Variants in SRBD1 observed in about 807,000 individuals in gnomAD.
The protein encoded by SRBD1 is S1 RNA binding domain 1, also known as S1 RNA-binding domain-containing protein 1.
Under a neutral mutation model 115.3 loss-of-function variants are expected in SRBD1, and 88 were observed. The ratio of observed to expected loss-of-function variants is 0.76; its 90% CI spans 0.64 to 0.91. The LOEUF (loss-of-function observed/expected upper bound fraction) is 0.91, where lower values mean the gene tolerates loss of function less well. SRBD1 is among the 40% of genes least tolerant of loss of function. SRBD1 has a pLI of 0.00. For synonymous variants in SRBD1, 509 were observed against 407.7 expected (o/e 1.25, Z -2.99); for missense variants, 1,385 against 1,177.4 (o/e 1.18, Z -2.58).
intron 3 of SRBD1, among the ~76,000 whole-genome samples, chr2:45,600,609 G>A (rs866573890): frequency 8.5e-5 from 13 of 152,108 alleles, no homozygotes; most frequent in South Asian, 2.1e-4. Flanking sequence ...ACAAGAGTCC[G>A]CACAGCAGCC....
At chr2:45,412,596 T>A (rs992466568) in intron 19 of SRBD1, among the ~76,000 whole-genome samples, 1 of 152,202 alleles carries the variant, frequency 6.6e-6, no homozygotes, top group Non-Finnish European at 1.5e-5. Context: ...TAATTAAATA[T>A]GCTGTTAAAA....
At chr2:45,414,193 T>C (rs1667691267) in intron 18 of SRBD1, among the ~76,000 whole-genome samples, 1 of 152,094 alleles carries the variant, frequency 6.6e-6, no homozygotes, top group African/African-American at 2.4e-5. Context: ...CAAATTAGCA[T>C]TCAAGTAGGA....
intron 15 of SRBD1, among the ~76,000 whole-genome samples, chr2:45,478,997 T>C (rs113734794): frequency 0.013 from 1,978 of 152,330 alleles, 51 homozygotes; most frequent in African/African-American, 0.043. Context: ...CTCAGAAATA[T>C]TTCAAAATTT....
chr2:45,406,468 C>T (rs532874925), intron 19 of SRBD1, among the ~76,000 whole-genome samples: 1 of 152,104 alleles, frequency 6.6e-6, no homozygotes, highest in Admixed American at 6.6e-5. Flanking sequence ...CCATGTTCCC[C>T]TTATATATTC....
intron 2 of SRBD1, among the ~76,000 whole-genome samples, chr2:45,602,289 C>T (rs1232275179): frequency 6.6e-6 from 1 of 152,138 alleles, no homozygotes; most frequent in South Asian, 2.1e-4. Context: ...CCGCAGTATG[C>T]TGTAAATCAC....
At chr2:45,609,779 C>A (rs1228557304) in intron 1 of SRBD1, among the ~76,000 whole-genome samples, 2 of 152,132 alleles carry the variant, frequency 1.3e-5, no homozygotes, top group African/African-American at 4.8e-5. Flanking sequence ...TTAAAAGGAG[C>A]CTATTTACTT....
In SRBD1 at chr2:45,497,993, G is replaced by C. The variant is rs182190184; in HGVS notation, c.1875-9662C>G. Reference sequence around the variant, plus strand: ...CACCCCAGCCTGGGCGACAGAGTGAGATTCCGTCTCAAAAAAGAAAACTAC... The same window carrying C: ...CACCCCAGCCTGGGCGACAGAGTGACATTCCGTCTCAAAAAAGAAAACTAC... On this transcript the variant is annotated intron_variant, in intron 14 of 20. Coordinates refer to ENST00000263736, the MANE Select transcript of SRBD1 (RefSeq NM_018079.5). 4.7e-3 allele frequency among the ~76,000 whole-genome samples: 721 copies of C among 152,224 alleles called. 8 individuals are homozygous for C. Among genetic ancestry groups the C allele is most frequent in the African/African-American group, 0.016 (674 of 41,532 alleles).
chr2:45,516,764 T>C (rs760171167), intron 14 of SRBD1, among the ~76,000 whole-genome samples: 4 of 152,206 alleles, frequency 2.6e-5, no homozygotes, highest in Non-Finnish European at 5.9e-5. Flanking sequence ...ACCCTCACCA[T>C]ATAGATGCTG....
chr2:45,412,674 G>C (rs1242489931), intron 19 of SRBD1, among the ~76,000 whole-genome samples: 2 of 152,122 alleles, frequency 1.3e-5, no homozygotes, highest in African/African-American at 4.8e-5. Flanking sequence ...TTCTGTTAAT[G>C]TATACTCACT....
At chr2:45,460,584 T>A (rs186574778) in intron 16 of SRBD1, among the ~76,000 whole-genome samples, 1 of 152,228 alleles carries the variant, frequency 6.6e-6, no homozygotes, top group Non-Finnish European at 1.5e-5. Context: ...ATGTTCTGCA[T>A]TGGTTTGTGG....
intron 15 of SRBD1, among the ~76,000 whole-genome samples, chr2:45,480,387 G>A (rs1669925092): frequency 6.6e-6 from 1 of 152,128 alleles, no homozygotes; most frequent in South Asian, 2.1e-4. Flanking sequence ...TTCATGGGAG[G>A]AGGGCAAATG....
At chr2:45,434,406 T>A (rs1450304951) in intron 16 of SRBD1, among the ~76,000 whole-genome samples, 1 of 152,198 alleles carries the variant, frequency 6.6e-6, no homozygotes, top group Non-Finnish European at 1.5e-5. Context: ...CACAAATCTT[T>A]AGCAGCTTTT....
intron 14 of SRBD1, among the ~76,000 whole-genome samples, chr2:45,541,672 C>T (rs930221876): frequency 6.6e-6 from 1 of 152,164 alleles, no homozygotes. Flanking sequence ...CAGGTTATCC[C>T]AATGAGTGTC....
intron 19 of SRBD1, among the ~76,000 whole-genome samples, chr2:45,410,904 T>C (rs1303662144): frequency 1.3e-5 from 2 of 152,146 alleles, no homozygotes; most frequent in Non-Finnish European, 1.5e-5. Context: ...ACCTTCCCCC[T>C]ATACCTTTCC....
chr2:45,447,461 AAGAAAAG>A (rs1342158175), intron 16 of SRBD1: 8 of 145,728 alleles, frequency 5.5e-5, no homozygotes, highest in African/African-American at 2.3e-4. Context: ...ACAAAAAAAA[AAGAAAAG>A]GCATGTCACA....
chr2:45,504,935 C>T (rs1163345608), intron 14 of SRBD1, among the ~76,000 whole-genome samples: 2 of 152,182 alleles, frequency 1.3e-5, no homozygotes, highest in South Asian at 4.2e-4. Flanking sequence ...AACACACCGC[C>T]AACCCTCATT....
At chr2:45,500,747 A>G (rs1045875845) in intron 14 of SRBD1, among the ~76,000 whole-genome samples, 1 of 152,194 alleles carries the variant, frequency 6.6e-6, no homozygotes, top group African/African-American at 2.4e-5. Context: ...TTGATTTTGT[A>G]TTCTGCAACT....
At chr2:45,443,612 G>A (rs746961515) in intron 16 of SRBD1, among the ~76,000 whole-genome samples, 1 of 152,136 alleles carries the variant, frequency 6.6e-6, no homozygotes, top group Non-Finnish European at 1.5e-5. Flanking sequence ...GGTAGAAACT[G>A]TCTAGCATGC....
intron 14 of SRBD1, among the ~76,000 whole-genome samples, chr2:45,534,510 CCTTAA>C (rs1276602042): frequency 6.6e-6 from 1 of 151,826 alleles, no homozygotes; most frequent in Non-Finnish European, 1.5e-5. Context: ...TAACACAGCA[CCTTAA>C]CTTGTCATTA....
Sources: allele counts gnomAD v4.1 joint callset (sites outside exome capture counted in the v4.1 genomes callset), GRCh38; gene constraint gnomAD v4.1.1; transcripts MANE v1.5; gene names NCBI Gene and HGNC (gene_info 2026-07-23, HGNC 2026-07-21).